The following LARP1 variants were observed in gnomAD, a reference collection of about 807,000 sequenced individuals.
LARP1 encodes the protein la-related protein 1.
A neutral mutation model predicts 122.7 loss-of-function variants in LARP1; 36 were observed. The ratio of observed to expected loss-of-function variants is 0.29; its 90% CI spans 0.22 to 0.39. The LOEUF (loss-of-function observed/expected upper bound fraction) is 0.39. LARP1 is among the 10% of genes least tolerant of loss of function. The pLI, the probability that LARP1 is intolerant of heterozygous loss-of-function variation, is 1.00. For synonymous variants in LARP1, 539 were observed against 528.7 expected (o/e 1.02, Z -0.27); for missense variants, 1,040 against 1,403.6 (o/e 0.74, Z 4.14).
chr5:154,723,444 G>C (rs563017000), intron 1 of LARP1, among the ~76,000 whole-genome samples: 1 of 152,100 alleles, frequency 6.6e-6, no homozygotes, highest in Non-Finnish European at 1.5e-5. Flanking sequence ...TATTACCATG[G>C]ACTGGGATGG....
At chr5:154,714,194 G>A (rs1232894539) in intron 1 of LARP1, among the ~76,000 whole-genome samples, 1 of 152,166 alleles carries the variant, frequency 6.6e-6, no homozygotes, top group African/African-American at 2.4e-5. Flanking sequence ...GATAAATTCA[G>A]ATTTAAAAAT....
At chr5:154,778,869 A>G (rs1339151886) in intron 1 of LARP1, among the ~76,000 whole-genome samples, 5 of 152,208 alleles carry the variant, frequency 3.3e-5, no homozygotes, top group African/African-American at 1.2e-4. Flanking sequence ...ACCCAGTTAA[A>G]TTTGAATTTT....
intron 1 of LARP1, among the ~76,000 whole-genome samples, chr5:154,760,091 C>T (rs140631339): frequency 0.081 from 12,274 of 152,116 alleles, 560 homozygotes; most frequent in Admixed American, 0.15. Context: ...AGGCATGTGC[C>T]ACCATGCCCG....
chr5:154,774,104 T>G (rs557759346), intron 1 of LARP1, among the ~76,000 whole-genome samples: 17 of 151,772 alleles, frequency 1.1e-4, no homozygotes, highest in African/African-American at 3.9e-4. Flanking sequence ...TTTTTCAGCC[T>G]GTAAAATTGG....
chr5:154,696,766 A>G (rs761293949), intron 1 of LARP1, among the ~76,000 whole-genome samples: 41 of 152,194 alleles, frequency 2.7e-4, no homozygotes, highest in Non-Finnish European at 5.0e-4. Context: ...GCAGGTATCA[A>G]TCATTTTAGG....
intron 1 of LARP1, among the ~76,000 whole-genome samples, chr5:154,703,113 G>T (rs1228554783): frequency 9.6e-6 from 1 of 104,236 alleles, no homozygotes; most frequent in East Asian, 2.5e-4. Context: ...AGAGTGAGAC[G>T]CTGTCTCAAA....
chr5:154,733,805 C>T (rs904458454), intron 1 of LARP1, among the ~76,000 whole-genome samples: 25 of 152,158 alleles, frequency 1.6e-4, no homozygotes, highest in African/African-American at 5.3e-4. Context: ...TCAGATGATT[C>T]GCCCACCTCG....
At chr5:154,774,458 A>G (rs17116421) in intron 1 of LARP1, among the ~76,000 whole-genome samples, 25,474 of 152,214 alleles carry the variant, frequency 0.17, 2,802 homozygotes, top group African/African-American at 0.31. Flanking sequence ...CCCTCGAGGT[A>G]GGATATTGCT....
At chr5:154,757,128 G>A (rs1027909967) in intron 1 of LARP1, 1 of 150,622 alleles carries the variant, frequency 6.6e-6, no homozygotes, top group Non-Finnish European at 1.5e-5. Flanking sequence ...CGCGGCGCGG[G>A]TGTGTGCGCG....
At chr5:154,760,651 A>G (rs145090297) in intron 1 of LARP1, among the ~76,000 whole-genome samples, 2 of 152,344 alleles carry the variant, frequency 1.3e-5, no homozygotes, top group East Asian at 3.9e-4. Flanking sequence ...TAACAGAACC[A>G]TAGATCCAAC....
intron 4 of LARP1, among the ~76,000 whole-genome samples, chr5:154,793,087 C>G (rs1327926930): frequency 6.6e-6 from 1 of 152,122 alleles, no homozygotes; most frequent in Non-Finnish European, 1.5e-5. Flanking sequence ...GTAAATACAC[C>G]AGGCCTGGTA....
At chr5:154,703,609 G>T (rs943946350) in intron 1 of LARP1, among the ~76,000 whole-genome samples, 1 of 152,064 alleles carries the variant, frequency 6.6e-6, no homozygotes, top group African/African-American at 2.4e-5. Flanking sequence ...GTGAGACCTT[G>T]TCTCTAAAAA....
chr5:154,815,972 A>T lies in LARP1; in HGVS notation c.*1876A>T, dbSNP rs1239888218. The T allele has an allele frequency of 6.6e-6, 1 of 152,164 alleles. No individual in the cohort carries two copies. The highest frequency in any genetic ancestry group is 1.5e-5 in the Non-Finnish European group (1 of 68,034). The allele number at this position is 152,164 out of a possible 1,614,324, so 9.4% of individuals were successfully genotyped here. On this transcript the variant is annotated 3_prime_UTR_variant, in exon 19 of 19. Transcript: ENST00000518297. The stretch of plus-strand genomic sequence containing the variant: ...GCAATGTCTTTGGCCCTCCTTTTCA[A>T]CTGGTTCCTCTGTTGGGCCCAAAGG...
At chr5:154,688,385 C>A (rs974061464) in intron 1 of LARP1, among the ~76,000 whole-genome samples, 3 of 151,866 alleles carry the variant, frequency 2.0e-5, no homozygotes, top group Non-Finnish European at 4.4e-5. Flanking sequence ...GCAGGCCAGG[C>A]GAGGTGGGTC....
intron 1 of LARP1, among the ~76,000 whole-genome samples, chr5:154,685,293 T>C (rs1222817547): frequency 1.3e-5 from 2 of 150,822 alleles, no homozygotes; most frequent in Admixed American, 6.6e-5. Context: ...TTCTGAGCCA[T>C]GCAGGGTGGT....
At chr5:154,806,088 G>GT in intron 15 of LARP1, 56 bp downstream of exon 15, 1 of 1,576,098 alleles carries the variant, frequency 6.3e-7, no homozygotes, top group South Asian at 1.1e-5. Flanking sequence ...TAGACCCAGA[G>GT]TATAAGAGTT....
chr5:154,790,539 T>G, intron 2 of LARP1, 106 bp from the exon 3 acceptor site: 1 of 1,354,114 alleles, frequency 7.4e-7, no homozygotes, highest in Non-Finnish European at 1.1e-6. Context: ...ATGGTCCTGG[T>G]GAACAGACTG....
intron 1 of LARP1, among the ~76,000 whole-genome samples, chr5:154,740,523 G>A (rs1757176262): frequency 6.6e-6 from 1 of 152,136 alleles, no homozygotes; most frequent in South Asian, 2.1e-4. Flanking sequence ...AGCCTAATGA[G>A]GATTCTCCCT....
At chr5:154,797,221 G>GGTTT (rs1757940079) in intron 8 of LARP1, among the ~76,000 whole-genome samples, 1 of 29,748 alleles carries the variant, frequency 3.4e-5, no homozygotes, top group African/African-American at 1.0e-4. Flanking sequence ...TGTTGTTGTT[G>GGTTT]TTTTTTTTTT....
Sources: gnomAD v4.1 joint callset for allele counts (sites outside exome capture counted in the v4.1 genomes callset) on GRCh38, gnomAD v4.1.1 for gene constraint, MANE v1.5 for transcripts, NCBI Gene and HGNC (gene_info 2026-07-23, HGNC 2026-07-21) for gene names.